The following SNRPN variants were observed in gnomAD, a reference collection of about 807,000 sequenced individuals.
The protein encoded by SNRPN is small nuclear ribonucleoprotein polypeptide N, also known as small nuclear ribonucleoprotein-associated protein N.
Under a neutral mutation model 25.2 loss-of-function variants are expected in SNRPN, and 7 were observed. That is an observed-to-expected ratio of 0.28 (90% CI 0.16 to 0.52). The LOEUF (loss-of-function observed/expected upper bound fraction) is 0.52. Ranked by LOEUF, SNRPN falls within the 20% of genes least tolerant of loss-of-function variation. The pLI, the probability that SNRPN is intolerant of heterozygous loss-of-function variation, is 0.96. For missense variants in SNRPN, 196 were observed against 322.5 expected, an observed-to-expected ratio of 0.61 and a Z score of 3.00; for synonymous variants, 124 against 110.6, an observed-to-expected ratio of 1.12 and a Z score of -0.76.
At chr15:24,939,782 ATTC>A (rs922208195) in intron 3 of SNRPN, among the ~76,000 whole-genome samples, 9 of 146,448 alleles carry the variant, frequency 6.1e-5, no homozygotes, top group East Asian at 4.1e-4. Flanking sequence ...TGATTATAGA[ATTC>A]TTCTTTTTTT....
At chr15:24,968,265 T>A (rs2075940295) in intron 3 of SNRPN, 183 bp downstream of exon 3, 4 of 500,420 alleles carry the variant, frequency 8.0e-6, no homozygotes, top group African/African-American at 5.8e-5. Context: ...ACTTTCGTCA[T>A]GTTTCTGTAT....
At chr15:24,863,999 T>TTTTATTTA (rs1555383863) in intron 1 of SNRPN, among the ~76,000 whole-genome samples, 3 of 148,738 alleles carry the variant, frequency 2.0e-5, no homozygotes, top group African/African-American at 7.5e-5. Flanking sequence ...CTTTTTTAAA[T>TTTTATTTA]TTTATTTATT....
At chr15:24,887,510 A>G (rs1341228715) in intron 2 of SNRPN, among the ~76,000 whole-genome samples, 1 of 149,526 alleles carries the variant, frequency 6.7e-6, no homozygotes, top group Non-Finnish European at 1.5e-5. Flanking sequence ...TCCATGTATT[A>G]TAATAGGTTT....
At chr15:24,859,946 C>G (rs547520940) in intron 1 of SNRPN, among the ~76,000 whole-genome samples, 1 of 152,132 alleles carries the variant, frequency 6.6e-6, no homozygotes, top group Non-Finnish European at 1.5e-5. Context: ...GGATTTTAGC[C>G]GGCCTCTTTA....
At chr15:24,927,122 C>T (rs1957504629) in intron 3 of SNRPN, among the ~76,000 whole-genome samples, 1 of 151,862 alleles carries the variant, frequency 6.6e-6, no homozygotes, top group Non-Finnish European at 1.5e-5. Context: ...CATTTCTCCC[C>T]CTTTTCTTTT....
chr15:24,840,156 G>A (rs959925103), intron 2 of SNRPN, among the ~76,000 whole-genome samples: 5 of 152,108 alleles, frequency 3.3e-5, no homozygotes. Context: ...TCAGGAGTTC[G>A]AGACCAGCCT....
chr15:24,960,793 T>C (rs1394328444), intron 1 of SNRPN, among the ~76,000 whole-genome samples: 4 of 152,176 alleles, frequency 2.6e-5, no homozygotes, highest in Non-Finnish European at 4.4e-5. Flanking sequence ...AAAAATACTT[T>C]TTTGAGGTGT....
chr15:24,828,463 C>T (rs2141220560), intron 1 of SNRPN, among the ~76,000 whole-genome samples: 1 of 152,118 alleles, frequency 6.6e-6, no homozygotes, highest in Admixed American at 6.5e-5. Flanking sequence ...ACATATGTGG[C>T]TTGAACCCGG....
At chr15:24,831,490 A>G (rs1455415397) in intron 2 of SNRPN, among the ~76,000 whole-genome samples, 1 of 151,992 alleles carries the variant, frequency 6.6e-6, no homozygotes, top group Non-Finnish European at 1.5e-5. Context: ...TGGCAAGAAC[A>G]CTTTACATCC....
chr15:24,909,919 A>G (rs1341656123), intron 2 of SNRPN: 2 of 568,652 alleles, frequency 3.5e-6, no homozygotes, highest in East Asian at 2.9e-5. Flanking sequence ...TTTAATCTTC[A>G]GTGGGTACCT....
intron 1 of SNRPN, among the ~76,000 whole-genome samples, chr15:24,864,269 C>A (rs964694996): frequency 4.0e-4 from 57 of 140,816 alleles, no homozygotes; most frequent in African/African-American, 1.0e-3. Flanking sequence ...ACCTTGTGAT[C>A]CGCCCGCCTC....
intron 1 of SNRPN, among the ~76,000 whole-genome samples, chr15:24,862,549 A>G (rs933016478): frequency 1.3e-5 from 2 of 151,184 alleles, no homozygotes; most frequent in African/African-American, 4.9e-5. Flanking sequence ...AACACAACAA[A>G]AAAACAAAAT....
At chr15:24,947,983 C>CA (rs1307505339) in intron 3 of SNRPN, among the ~76,000 whole-genome samples, 3 of 151,828 alleles carry the variant, frequency 2.0e-5, no homozygotes, top group African/African-American at 4.8e-5. Flanking sequence ...TTTTAGGGTA[C>CA]ATGTGCACAA....
intron 1 of SNRPN, among the ~76,000 whole-genome samples, chr15:24,868,119 G>A (rs1555384944): frequency 7.5e-6 from 1 of 132,512 alleles, no homozygotes; most frequent in Non-Finnish European, 1.6e-5. Flanking sequence ...GGGTGTGTGT[G>A]TGTATATATA....
chr15:24,939,430 A>ATGTATG (rs1160452687), intron 3 of SNRPN, among the ~76,000 whole-genome samples: 4 of 151,912 alleles, frequency 2.6e-5, no homozygotes, highest in African/African-American at 4.8e-5. Context: ...ATGTATGTAT[A>ATGTATG]TATGTATGTA....
At chr15:24,889,403 G>T (rs1227961200) in intron 2 of SNRPN, among the ~76,000 whole-genome samples, 3 of 150,698 alleles carry the variant, frequency 2.0e-5, no homozygotes, top group East Asian at 2.0e-4. Flanking sequence ...CCCGGGTTCA[G>T]GCCATTCTCT....
At chr15:24,945,875 C>T (rs944923248) in intron 3 of SNRPN, among the ~76,000 whole-genome samples, 5 of 152,114 alleles carry the variant, frequency 3.3e-5, no homozygotes, top group African/African-American at 1.2e-4. Flanking sequence ...CTGTCCCTTG[C>T]CTGCTTTCCT....
At chr15:24,956,200 G>C (rs981011475) in intron 1 of SNRPN, among the ~76,000 whole-genome samples, 27 of 152,180 alleles carry the variant, frequency 1.8e-4, no homozygotes, top group Middle Eastern at 3.2e-3. Flanking sequence ...GATGCCTGGG[G>C]GTTACTTTTT....
intron 2 of SNRPN, among the ~76,000 whole-genome samples, chr15:24,838,734 G>A (rs1336899474): frequency 2.0e-5 from 3 of 152,026 alleles, no homozygotes; most frequent in African/African-American, 4.8e-5. Context: ...GGGAGGACAT[G>A]TCCTATATAA....
Sources: gnomAD v4.1 joint callset for allele counts (sites outside exome capture counted in the v4.1 genomes callset) on GRCh38, gnomAD v4.1.1 for gene constraint, MANE v1.5 for transcripts, NCBI Gene and HGNC (gene_info 2026-07-23, HGNC 2026-07-21) for gene names.